TMEM165: variants seen among roughly 807,000 people sequenced by gnomAD.
TMEM165 encodes putative divalent cation/proton antiporter TMEM165.
A neutral mutation model predicts 30.0 loss-of-function variants in TMEM165; 19 were observed. The observed-to-expected ratio is 0.63, with a 90% CI of 0.44 to 0.93. TMEM165 has a LOEUF of 0.93. Among genes scored for constraint, TMEM165 ranks in the 40% least tolerant of loss-of-function variants. The pLI, the probability that TMEM165 is intolerant of heterozygous loss-of-function variation, is 0.00. For missense variants in TMEM165, 340 were observed against 417.0 expected, an observed-to-expected ratio of 0.82 and a Z score of 1.61; for synonymous variants, 168 against 162.9, an observed-to-expected ratio of 1.03 and a Z score of -0.24.
chr4:55,445,060 G>A (rs1265572727), intron 3 of TMEM165, among the ~76,000 whole-genome samples: 5 of 132,780 alleles, frequency 3.8e-5, no homozygotes, highest in African/African-American at 7.6e-5. Flanking sequence ...TCAACTCCTG[G>A]TTCTGGTGCT....
rs2109568695 is a variant in TMEM165 at position 55,425,545 on chromosome 4, C to A, written c.*93C>A. 2 of 1,010,136 alleles carry A rather than the reference C, an allele frequency of 2.0e-6. No homozygotes were observed. Among genetic ancestry groups the A allele is most frequent in the East Asian group, 2.5e-5 (1 of 40,330 alleles). 62.6% of individuals were successfully genotyped at this position (1,010,136 alleles called of 1,614,324 possible). On this transcript the variant is annotated 3_prime_UTR_variant, in exon 6 of 6. Transcript: ENST00000381334. ...TACAACTAAAAGTGATGGAAAAATA[C>A]TGTATTTTGTAGCACTGATTTTGTG...
chr4:55,432,417 A>G (rs1237853342), intron 3 of TMEM165: 1 of 151,952 alleles, frequency 6.6e-6, no homozygotes, highest in Admixed American at 6.6e-5. Context: ...TTCTTACCTA[A>G]AAAGTACCAC....
chr4:55,403,991 C>T (rs1721162689), intron 1 of TMEM165, among the ~76,000 whole-genome samples: 1 of 52,364 alleles, frequency 1.9e-5, no homozygotes, highest in Non-Finnish European at 5.1e-5. Flanking sequence ...TTAATCTTAA[C>T]TTGACTATTA....
intron 3 of TMEM165, among the ~76,000 whole-genome samples, chr4:55,439,016 T>C (rs1723131240): frequency 1.3e-5 from 2 of 152,206 alleles, no homozygotes; most frequent in African/African-American, 2.4e-5. Flanking sequence ...AACTGGACTG[T>C]ATCAAATTAA....
intron 3 of TMEM165, among the ~76,000 whole-genome samples, chr4:55,436,909 T>A (rs1722921783): frequency 6.6e-6 from 1 of 151,396 alleles, no homozygotes; most frequent in South Asian, 2.1e-4. Flanking sequence ...TTTTTTTTTT[T>A]TTTGAGAATG....
intron 3 of TMEM165, chr4:55,434,347 C>T (rs1577659687): frequency 6.6e-6 from 1 of 152,540 alleles, no homozygotes; most frequent in African/African-American, 2.4e-5. Flanking sequence ...TAAAAAGTGC[C>T]TAAGATGTTT....
chr4:55,396,525 G>A (rs959011313), intron 1 of TMEM165, 129 bp downstream of exon 1: 1 of 776,054 alleles, frequency 1.3e-6, no homozygotes, highest in East Asian at 3.4e-5. Context: ...CCTGCTCCCG[G>A]GGTGGAGGGC....
chr4:55,424,947 C>T (rs904925782), intron 5 of TMEM165: 44 of 385,432 alleles, frequency 1.1e-4, no homozygotes, highest in Non-Finnish European at 1.4e-4. Context: ...ATGTGTCTTA[C>T]AAGACTGGAA....
downstream of TMEM165, among the ~76,000 whole-genome samples, chr4:55,427,235 G>A (rs1267291673): frequency 2.7e-5 from 4 of 150,076 alleles, no homozygotes; most frequent in African/African-American, 9.8e-5. Flanking sequence ...ATGGAGTTTC[G>A]CCATGCTGGC....
chr4:55,435,293 G>T, intron 3 of TMEM165: 1 of 1,163,008 alleles, frequency 8.6e-7, no homozygotes, highest in Non-Finnish European at 1.3e-6. Flanking sequence ...CCAGGAACTA[G>T]AACACTCAAT....
rs545901876 is a variant in TMEM165, at chr4:55,448,585, C to T, written c.409-3654C>T. ...ATCTGTAACTATAATTATATATGTG[C>T]GCGCGCGCACGCGCGCGTGTGTGTG... On this transcript the variant is annotated intron_variant, in intron 3 of 3. Coordinates refer to the TMEM165 transcript ENST00000608091. Among the ~76,000 whole-genome samples, 24 of 72,932 alleles carry T rather than the reference C, an allele frequency of 3.3e-4. No homozygotes were observed. In the South Asian group the frequency reaches 5.7e-3, roughly 17 times the overall value. 47.8% of individuals were successfully genotyped at this position (72,932 alleles called of 152,430 possible).
intron 3 of TMEM165, among the ~76,000 whole-genome samples, chr4:55,436,476 CAGAA>C (rs1722884479): frequency 1.3e-5 from 2 of 152,264 alleles, no homozygotes; most frequent in African/African-American, 2.4e-5. Context: ...AAAATGTTAA[CAGAA>C]AGAAAGTGAA....
At chr4:55,414,209 G>A (rs559396718) in intron 2 of TMEM165, among the ~76,000 whole-genome samples, 1 of 151,740 alleles carries the variant, frequency 6.6e-6, no homozygotes, top group African/African-American at 2.4e-5. Flanking sequence ...GGCAGAGCTT[G>A]TAGTGAGCCG....
At chr4:55,406,117 T>C (rs969755979) in intron 1 of TMEM165, among the ~76,000 whole-genome samples, 22 of 152,202 alleles carry the variant, frequency 1.4e-4, no homozygotes, top group Middle Eastern at 3.2e-3. Context: ...AGCTTCCATA[T>C]TGGTAGCCCT....
chr4:55,404,165 C>T (rs1721174994), intron 1 of TMEM165, among the ~76,000 whole-genome samples: 1 of 151,212 alleles, frequency 6.6e-6, no homozygotes, highest in South Asian at 2.1e-4. Flanking sequence ...GTGTGCGCCA[C>T]CACGCCTGGC....
chr4:55,401,970 T>G (rs966899681), intron 1 of TMEM165, among the ~76,000 whole-genome samples: 5 of 149,152 alleles, frequency 3.4e-5, no homozygotes, highest in African/African-American at 1.3e-4. Context: ...TACAAAAAAT[T>G]AGCTGGGCGT....
At chr4:55,396,833 G>C (rs780223912) in intron 1 of TMEM165, among the ~76,000 whole-genome samples, 7 of 152,102 alleles carry the variant, frequency 4.6e-5, no homozygotes, top group Non-Finnish European at 1.0e-4. Context: ...AATTCAACTT[G>C]GCACTGCCTG....
At chr4:55,441,764 T>C (rs1012962256) in intron 3 of TMEM165, among the ~76,000 whole-genome samples, 5 of 152,092 alleles carry the variant, frequency 3.3e-5, no homozygotes, top group Admixed American at 3.3e-4. Context: ...ACATATTGGA[T>C]AGAATGTGCA....
At chr4:55,410,943 G>A (rs1721469503) in intron 1 of TMEM165, among the ~76,000 whole-genome samples, 1 of 152,026 alleles carries the variant, frequency 6.6e-6, no homozygotes, top group Admixed American at 6.6e-5. Flanking sequence ...GACCAGCCTG[G>A]CCAACATGAT....
Sources: allele counts gnomAD v4.1 joint callset (sites outside exome capture counted in the v4.1 genomes callset), GRCh38; gene constraint gnomAD v4.1.1; transcripts MANE v1.5; gene names NCBI Gene and HGNC (gene_info 2026-07-23, HGNC 2026-07-21).